Variants in INO80 observed in about 807,000 individuals in gnomAD.
INO80 encodes chromatin-remodeling ATPase INO80.
In INO80, 20 loss-of-function variants were observed where a neutral mutation model predicts 203.4. That is an observed-to-expected ratio of 0.10 (90% confidence interval 0.07 to 0.14). The LOEUF (loss-of-function observed/expected upper bound fraction) is 0.14, where lower values mean the gene tolerates loss of function less well. Among genes scored for constraint, INO80 ranks in the 10% least tolerant of loss-of-function variants. The probability of loss-of-function intolerance (pLI) is 1.00; values close to 1 mark genes in which losing one functional copy is unlikely to be tolerated. For missense variants in INO80, 1,419 were observed against 1,914.4 expected (o/e 0.74, Z 4.83); for synonymous variants, 726 against 685.2 (o/e 1.06, Z -0.93).
At chr15:41,066,691 G>A (rs1198638178) in intron 14 of INO80, among the ~76,000 whole-genome samples, 1 of 151,834 alleles carries the variant, frequency 6.6e-6, no homozygotes. Flanking sequence ...TTAGCAGGGT[G>A]TGGCGCTGCA....
At chr15:41,029,841 G>A (rs930078787) in intron 24 of INO80, among the ~76,000 whole-genome samples, 5 of 152,238 alleles carry the variant, frequency 3.3e-5, no homozygotes, top group African/African-American at 1.2e-4. Flanking sequence ...TCCTGAAAGT[G>A]CATTTCTGAC....
intron 12 of INO80, among the ~76,000 whole-genome samples, chr15:41,070,820 G>C (rs983830292): frequency 1.3e-5 from 2 of 152,216 alleles, no homozygotes; most frequent in Non-Finnish European, 2.9e-5. Context: ...GTCCATATAA[G>C]ACAAACCATA....
chr15:41,045,110 G>A, intron 23 of INO80, 35 bp from the exon 24 acceptor site: 4 of 1,540,758 alleles, frequency 2.6e-6, no homozygotes, highest in Non-Finnish European at 3.5e-6. Context: ...CTTATTCAGT[G>A]CTCCATGGAG....
chr15:41,058,038 G>A (rs1468123977), intron 16 of INO80, among the ~76,000 whole-genome samples: 1 of 152,042 alleles, frequency 6.6e-6, no homozygotes, highest in African/African-American at 2.4e-5. Context: ...AAGGATTCTT[G>A]GAGATCTGAA....
chr15:41,055,244 C>T lies in INO80; in HGVS notation c.2188+3G>A. On this transcript the variant is annotated splice_donor_region_variant and intron_variant, in intron 18 of 35. Transcript: ENST00000648947. Reference sequence around the variant, plus strand: ...TAGAAAGCCAGCTCATAACAGTACTCACTCTCATCAATAGCAGATTTGTTT... The same window carrying T: ...TAGAAAGCCAGCTCATAACAGTACTTACTCTCATCAATAGCAGATTTGTTT... 6.4e-7 allele frequency: 1 copy of T among 1,556,010 alleles called. No homozygotes were observed. Among genetic ancestry groups the T allele is most frequent in the Non-Finnish European group, 8.9e-7 (1 of 1,128,208 alleles).
At chr15:41,058,980 C>G (rs1290368686) in intron 15 of INO80, among the ~76,000 whole-genome samples, 199 bp from the exon 16 acceptor site, 1 of 152,040 alleles carries the variant, frequency 6.6e-6, no homozygotes, top group South Asian at 2.1e-4. Flanking sequence ...TTGAGAGGGT[C>G]TCACTCCGTT....
chr15:41,005,539 C>T, intron 28 of INO80, 54 bp downstream of exon 28: 1 of 862,324 alleles, frequency 1.2e-6, no homozygotes, highest in Non-Finnish European at 1.8e-6. Flanking sequence ...CTTACCATTT[C>T]AAGCACTAGA....
intron 31 of INO80, among the ~76,000 whole-genome samples, chr15:40,986,316 CTTTTTTT>C (rs551165963): frequency 4.1e-4 from 37 of 90,722 alleles, no homozygotes; most frequent in East Asian, 8.6e-4. Context: ...CTCCACAATG[CTTTTTTT>C]TTTTTTTTTT....
At chr15:40,990,949 G>T (rs1468346691) in intron 29 of INO80, among the ~76,000 whole-genome samples, 9 of 152,164 alleles carry the variant, frequency 5.9e-5, no homozygotes, top group Non-Finnish European at 1.3e-4. Flanking sequence ...ACACCCAAAA[G>T]ACAGTATCTT....
At chr15:41,089,972 G>C (rs1046814528) in intron 5 of INO80, among the ~76,000 whole-genome samples, 1 of 152,182 alleles carries the variant, frequency 6.6e-6, no homozygotes, top group Non-Finnish European at 1.5e-5. Context: ...CAATTTCACT[G>C]TTAAGTATAT....
At chr15:41,065,935 C>G (rs1014140238) in intron 14 of INO80, among the ~76,000 whole-genome samples, 1 of 150,956 alleles carries the variant, frequency 6.6e-6, no homozygotes, top group Non-Finnish European at 1.5e-5. Flanking sequence ...TGAAACTAGA[C>G]AGCAGTGATG....
intron 14 of INO80, among the ~76,000 whole-genome samples, chr15:41,067,826 A>C (rs2045247001): frequency 6.6e-6 from 1 of 152,340 alleles, no homozygotes; most frequent in African/African-American, 2.4e-5. Context: ...TACTATCTTA[A>C]CTGTGCAACT....
intron 35 of INO80, among the ~76,000 whole-genome samples, chr15:40,981,430 C>T (rs530557264): frequency 5.8e-4 from 89 of 152,210 alleles, no homozygotes; most frequent in Non-Finnish European, 9.1e-4. Context: ...GGTAAGTTGG[C>T]AAAGGGCTAA....
chr15:41,018,862 T>A (rs1010507815), intron 26 of INO80: 1 of 152,262 alleles, frequency 6.6e-6, no homozygotes, highest in Non-Finnish European at 1.5e-5. Flanking sequence ...AAGTCAAACC[T>A]GTGCCCAGAC....
In INO80 at chr15:41,055,819, T is replaced by A. The variant is rs79175073; in HGVS notation, c.2071-455A>T. 2.7e-3 allele frequency among the ~76,000 whole-genome samples: 412 copies of A among 152,322 alleles called. 1 individual carries two copies. The highest frequency in any genetic ancestry group is 9.2e-3 in the African/African-American group (383 of 41,574). ...TTGAAACATAGCCATGGCCATTCAC[T>A]TATGTATTGCCTATGGCTACTTTAT... On this transcript the variant is annotated intron_variant, in intron 17 of 35. Coordinates refer to ENST00000648947, the MANE Select transcript of INO80 (RefSeq NM_017553.3).
At chr15:40,988,925 G>T (rs2043778818) in intron 29 of INO80, among the ~76,000 whole-genome samples, 1 of 151,992 alleles carries the variant, frequency 6.6e-6, no homozygotes, top group African/African-American at 2.4e-5. Flanking sequence ...TAAGGCAGGG[G>T]AATTGTTTGA....
At position 41,074,572 on chromosome 15, in the gene INO80, A is replaced by C; in HGVS notation, c.1132-7T>G. 6.3e-7 allele frequency: 1 copy of C among 1,588,326 alleles called. No homozygotes were observed. The highest frequency in any genetic ancestry group is 1.1e-5 in the South Asian group (1 of 87,282). On this transcript the variant is annotated splice_polypyrimidine_tract_variant and splice_region_variant and intron_variant, in intron 9 of 35. Coordinates refer to ENST00000648947, the MANE Select transcript of INO80 (RefSeq NM_017553.3). ...TTCGCTGTTGCCTCTTGGCCTAAAG[A>C]GGGAAAAAAGTGAAAACAGAGCCAA... is the stretch of plus-strand genomic sequence containing the variant.
At chr15:41,071,716 C>T in intron 12 of INO80, 133 bp downstream of exon 12, 1 of 733,000 alleles carries the variant, frequency 1.4e-6, no homozygotes, top group East Asian at 2.9e-5. Context: ...CTGCCTTGGC[C>T]TCCCAAAGTG....
At position 41,031,575 on chromosome 15, in the gene INO80, GAGGA is replaced by G. The variant is rs1566919124; in HGVS notation, c.2908-3843_2908-3840del. On this transcript the variant is annotated intron_variant, in intron 24 of 35. Transcript: ENST00000648947. ...GGAGGAAGGGAGGAAGGGAGGAAGG[GAGGA>G]AGGGAGGAAGGGAGGGAGGGAGGGA... 5.9e-4 allele frequency among the ~76,000 whole-genome samples: 5 copies of G among 8,424 alleles called. 1 individual carries two copies. Among genetic ancestry groups the G allele is most frequent in the Admixed American group, 1.5e-3 (1 of 648 alleles). The allele number at this position is 8,424 out of a possible 152,430, so 5.5% of individuals were successfully genotyped here. A position where few individuals can be genotyped will look rare whatever the true frequency, so the allele number is the denominator to read the frequency against.
Sources: gnomAD v4.1 joint callset for allele counts (sites outside exome capture counted in the v4.1 genomes callset) on GRCh38, gnomAD v4.1.1 for gene constraint, MANE v1.5 for transcripts, NCBI Gene and HGNC (gene_info 2026-07-23, HGNC 2026-07-21) for gene names.